RFX3: variants seen among roughly 807,000 people sequenced by gnomAD.
The protein encoded by RFX3 is regulatory factor X3.
RFX3 carries 14 observed loss-of-function variants against 98.6 expected under a neutral mutation model. The ratio of observed to expected loss-of-function variants is 0.14; its 90% CI spans 0.09 to 0.22. The LOEUF (loss-of-function observed/expected upper bound fraction) is 0.22, where lower values mean the gene tolerates loss of function less well. Ranked by LOEUF, RFX3 falls within the 10% of genes least tolerant of loss-of-function variation. RFX3 has a pLI of 1.00. For synonymous variants in RFX3, 383 were observed against 328.4 expected, an observed-to-expected ratio of 1.17 and a Z score of -1.80; for missense variants, 639 against 926.9, an observed-to-expected ratio of 0.69 and a Z score of 4.03.
At chr9:3,440,978 TAAAG>T (rs1479073396) in intron 1 of RFX3, among the ~76,000 whole-genome samples, 1 of 152,042 alleles carries the variant, frequency 6.6e-6, no homozygotes, top group Non-Finnish European at 1.5e-5. Flanking sequence ...GGCATCCAAG[TAAAG>T]AAAGAAGTTT....
rs10971154 is a variant in RFX3 at position 3,291,037 on chromosome 9, T to C, written c.731+2040A>G. 8.1e-3 allele frequency among the ~76,000 whole-genome samples: 1,231 copies of C among 152,284 alleles called. 13 individuals are homozygous for C. Among genetic ancestry groups the C allele is most frequent in the South Asian group, 0.037 (178 of 4,826 alleles). ...TTGCAGAAAAGAACGTTCTTATTTT[T>C]GAAGACACAGGGATGCAGAAAAATC... On this transcript the variant is annotated intron_variant, in intron 6 of 16. Transcript: ENST00000617270.
At chr9:3,470,202 T>C (rs1201431930) in intron 1 of RFX3, among the ~76,000 whole-genome samples, 1 of 152,228 alleles carries the variant, frequency 6.6e-6, no homozygotes, top group Non-Finnish European at 1.5e-5. Context: ...AGCATAGCTA[T>C]GTGGCCACAA....
chr9:3,500,691 T>C (rs933931585), intron 1 of RFX3, among the ~76,000 whole-genome samples: 2 of 152,142 alleles, frequency 1.3e-5, no homozygotes, highest in South Asian at 2.1e-4. Context: ...ATTTCCCAAA[T>C]AAGAACAAAT....
chr9:3,449,326 A>G (rs1846349321), intron 1 of RFX3, among the ~76,000 whole-genome samples: 1 of 152,160 alleles, frequency 6.6e-6, no homozygotes, highest in East Asian at 1.9e-4. Flanking sequence ...GAGGATTTCC[A>G]GCTATTTTCA....
intron 15 of RFX3, among the ~76,000 whole-genome samples, chr9:3,229,382 C>A (rs982496083): frequency 2.0e-5 from 3 of 152,170 alleles, no homozygotes; most frequent in Non-Finnish European, 4.4e-5. Flanking sequence ...AAAATAGAAA[C>A]TCCAAAATTG....
chr9:3,363,729 T>C (rs1010768584), intron 2 of RFX3, among the ~76,000 whole-genome samples: 1 of 152,198 alleles, frequency 6.6e-6, no homozygotes, highest in Non-Finnish European at 1.5e-5. Flanking sequence ...CTCAAAGACA[T>C]GGTGTCAGCT....
rs1564070164 is a variant in RFX3 at position 3,414,995 on chromosome 9, T to A, written c.-8-19399A>T. 2.2e-5 allele frequency among the ~76,000 whole-genome samples: 3 copies of A among 135,282 alleles called. No homozygotes were observed. The South Asian group carries it at 6.7e-4, about 30-fold the overall frequency. The allele number at this position is 135,282 out of a possible 152,430, so 88.8% of individuals were successfully genotyped here. On this transcript the variant is annotated intron_variant, in intron 1 of 16. Transcript: ENST00000617270. ...ATATACACTTATATATACTCATATA[T>A]ATACTTATATATACTCATATATATA...
At chr9:3,509,242 C>G (rs938551069) in intron 1 of RFX3, among the ~76,000 whole-genome samples, 2 of 151,942 alleles carry the variant, frequency 1.3e-5, no homozygotes, top group African/African-American at 4.8e-5. Flanking sequence ...CCCAGCTGGG[C>G]AAGTCTCAGC....
intron 3 of RFX3, among the ~76,000 whole-genome samples, chr9:3,337,559 C>A (rs1833335005): frequency 6.6e-6 from 1 of 152,152 alleles, no homozygotes. Context: ...AGAGACATGT[C>A]ATGTTTACAG....
intron 15 of RFX3, 152 bp from the exon 16 acceptor site, chr9:3,229,041 C>T (rs974262372): frequency 1.7e-6 from 1 of 574,322 alleles, no homozygotes. Flanking sequence ...ACATAATTTT[C>T]CAATCAAACT....
chr9:3,413,277 A>C (rs1304646712), intron 1 of RFX3, among the ~76,000 whole-genome samples: 1 of 152,112 alleles, frequency 6.6e-6, no homozygotes, highest in Non-Finnish European at 1.5e-5. Context: ...GAACTCTTTC[A>C]GTGCATTCAA....
chr9:3,466,708 C>A (rs1281811767), intron 1 of RFX3, among the ~76,000 whole-genome samples: 1 of 151,874 alleles, frequency 6.6e-6, no homozygotes, highest in African/African-American at 2.4e-5. Flanking sequence ...GTAAGTAGAG[C>A]CACTGATAAA....
chr9:3,421,667 T>C (rs1843451646), intron 1 of RFX3, among the ~76,000 whole-genome samples: 1 of 152,200 alleles, frequency 6.6e-6, no homozygotes, highest in Non-Finnish European at 1.5e-5. Context: ...TGTTTACAGA[T>C]GGACAAATCA....
In RFX3 at chr9:3,428,820, C is replaced by T. The variant is rs377511900; in HGVS notation, c.-8-33224G>A. Among the ~76,000 whole-genome samples, 121 of 152,138 alleles carry T rather than the reference C, an allele frequency of 8.0e-4. 3 individuals carry two copies. In the South Asian group the frequency reaches 0.025, roughly 31 times the overall value. Reference sequence around the variant, plus strand: ...CATTTACATGAAATGAATAGTTCCACAAATAAAGCGTATTTTTGCCAAGGA... The same window carrying T: ...CATTTACATGAAATGAATAGTTCCATAAATAAAGCGTATTTTTGCCAAGGA... On this transcript the variant is annotated intron_variant, in intron 1 of 16. Transcript: ENST00000617270.
chr9:3,470,981 T>A (rs1367510057), intron 1 of RFX3, among the ~76,000 whole-genome samples: 1 of 152,220 alleles, frequency 6.6e-6, no homozygotes, highest in Non-Finnish European at 1.5e-5. Context: ...AGATAATAAC[T>A]CCTACCCCAT....
In RFX3 at chr9:3,500,932, C is replaced by G. The variant is rs186105728; in HGVS notation, c.-9+24815G>C. ...AACTGGTTACATGAATACTTAGGAC[C>G]CTGTCAATACTATTAACTAAATGGC... On this transcript the variant is annotated intron_variant, in intron 1 of 16. Transcript: ENST00000617270. 2.5e-4 allele frequency among the ~76,000 whole-genome samples: 38 copies of G among 152,164 alleles called. 2 individuals are homozygous for G. In the East Asian group the frequency reaches 6.9e-3, roughly 28 times the overall value.
chr9:3,341,702 C>T (rs566529401), intron 3 of RFX3, among the ~76,000 whole-genome samples: 5 of 152,154 alleles, frequency 3.3e-5, no homozygotes, highest in Non-Finnish European at 5.9e-5. Flanking sequence ...ACAGGGTGCC[C>T]TTCCATGGTC....
At chr9:3,314,200 A>G (rs937958326) in intron 4 of RFX3, among the ~76,000 whole-genome samples, 3 of 152,232 alleles carry the variant, frequency 2.0e-5, no homozygotes, top group Non-Finnish European at 4.4e-5. Flanking sequence ...AAGCCAGAAG[A>G]CAGTGGGGGC....
chr9:3,396,970 G>C (rs868344297), intron 1 of RFX3, among the ~76,000 whole-genome samples: 1 of 151,952 alleles, frequency 6.6e-6, no homozygotes. Context: ...TTTTGTGTAT[G>C]GTATAATATG....
Sources: gnomAD v4.1 joint callset for allele counts (sites outside exome capture counted in the v4.1 genomes callset) on GRCh38, gnomAD v4.1.1 for gene constraint, MANE v1.5 for transcripts, NCBI Gene and HGNC (gene_info 2026-07-23, HGNC 2026-07-21) for gene names.